Variants in FLNB observed in about 807,000 individuals in gnomAD.
The protein encoded by FLNB is filamin-B.
In FLNB, 111 loss-of-function variants were observed where a neutral mutation model predicts 250.6. The ratio of observed to expected loss-of-function variants is 0.44; its 90% CI spans 0.38 to 0.52. The LOEUF (loss-of-function observed/expected upper bound fraction) is 0.52, where lower values mean the gene tolerates loss of function less well. Among genes scored for constraint, FLNB ranks in the 20% least tolerant of loss-of-function variants. The pLI, the probability that FLNB is intolerant of heterozygous loss-of-function variation, is 0.00. For missense variants in FLNB, 2,869 were observed against 3,447.8 expected (o/e 0.83, Z 4.20); for synonymous variants, 1,302 against 1,372.1 (o/e 0.95, Z 1.13).
intron 1 of FLNB, among the ~76,000 whole-genome samples, chr3:58,036,868 T>A (rs1311708394): frequency 2.6e-5 from 4 of 152,148 alleles, no homozygotes; most frequent in Non-Finnish European, 5.9e-5. Flanking sequence ...GTCGGTTAGG[T>A]CTGACCTCTT....
At chr3:58,080,997 T>C (rs1331121939) in intron 3 of FLNB, among the ~76,000 whole-genome samples, 1 of 152,102 alleles carries the variant, frequency 6.6e-6, no homozygotes, top group African/African-American at 2.4e-5. Context: ...TTTTACCATG[T>C]TGGCCAGGCT....
intron 24 of FLNB, among the ~76,000 whole-genome samples, chr3:58,130,115 A>C (rs1193411104): frequency 6.6e-6 from 1 of 152,042 alleles, no homozygotes; most frequent in Non-Finnish European, 1.5e-5. Context: ...TGTGGTCAGA[A>C]GGTGCCAGCT....
chr3:58,103,921 G>C, intron 9 of FLNB, 38 bp from the exon 10 acceptor site: 2 of 1,613,430 alleles, frequency 1.2e-6, no homozygotes, highest in South Asian at 2.2e-5. Context: ...TTTGGGCCTA[G>C]GATTGTGTTG....
chr3:58,013,473 T>C (rs986674491), intron 1 of FLNB, among the ~76,000 whole-genome samples: 4 of 152,208 alleles, frequency 2.6e-5, no homozygotes, highest in Admixed American at 2.6e-4. Flanking sequence ...TTCTGCTCTT[T>C]CTTGCATGTC....
intron 1 of FLNB, among the ~76,000 whole-genome samples, chr3:58,067,726 A>G (rs1455095825): frequency 6.6e-6 from 1 of 151,462 alleles, no homozygotes; most frequent in Non-Finnish European, 1.5e-5. Flanking sequence ...CCTCCTGAGT[A>G]GCTGGGGTTA....
rs1440812881 is a variant in FLNB, at chr3:58,152,663, A to G, written c.6368-712A>G. 6 of 928,290 alleles carry G rather than the reference A, an allele frequency of 6.5e-6. No homozygotes were observed. In the African/African-American group the frequency reaches 8.5e-5, roughly 13 times the overall value. 57.5% of individuals were successfully genotyped at this position (928,290 alleles called of 1,614,324 possible). On this transcript the variant is annotated intron_variant, in intron 38 of 45. Transcript: ENST00000295956. ...GGGACACAAACATTCAGTTCATTAC[A>G]TGGGTGACCCTCTTTTCAACCTCCC...
intron 11 of FLNB, among the ~76,000 whole-genome samples, chr3:58,105,887 A>C (rs1003984255): frequency 2.0e-5 from 3 of 152,252 alleles, no homozygotes; most frequent in African/African-American, 7.2e-5. Flanking sequence ...GAAAAATAAG[A>C]AATCACATTT....
In FLNB at chr3:58,142,502, T is replaced by G. The variant is rs1485286411; in HGVS notation, c.5182-148T>G. The stretch of plus-strand genomic sequence containing the variant: ...GTTCTACCCTGGGTCTGGAGCCACT[T>G]AGACAAAGCCCATACCACAATGGGC... On this transcript the variant is annotated intron_variant, in intron 30 of 45. Transcript: ENST00000295956. The surrounding 1 kb of genome is among the most constrained non-coding windows in gnomAD (Gnocchi z 4.3). 5.6e-6 allele frequency: 4 copies of G among 712,400 alleles called. No homozygotes were observed. In the East Asian group the frequency reaches 1.1e-4, roughly 19 times the overall value. The allele number at this position is 712,400 out of a possible 1,614,324, so 44.1% of individuals were successfully genotyped here.
rs762780598 is a variant in FLNB at position 58,148,816 on chromosome 3, G to A, written c.6055G>A (p.Glu2019Lys). The A allele has an allele frequency of 6.2e-6, 10 of 1,613,756 alleles. No homozygotes were observed. The highest frequency in any genetic ancestry group is 1.7e-5 in the Admixed American group (1 of 60,020). Residue 2019 changes from glutamate (E) to lysine (K), a missense_variant, in exon 36 of 46, where the codon GAG becomes AAG. Glu to Lys is a moderately conservative substitution (Grantham distance 56, BLOSUM62 1). This residue lies in a region of FLNB where 1,084 missense variants were observed against 1,315.5 expected (regional missense o/e 0.82). Coordinates refer to ENST00000295956, the MANE Select transcript of FLNB (RefSeq NM_001457.4). ...CGGCCTGTCAGAAGGCCGGACTTTC[G>A]AGATGTCTGACTTCATCGTGGACAC... ...GRGLSEGRTF[E>K]MSDFIVDTRD...
At position 58,142,073 on chromosome 3, in the gene FLNB, T is replaced by C; in HGVS notation, c.5181+144T>C. The C allele has an allele frequency of 1.3e-6, 1 of 741,960 alleles. No homozygotes were observed. Among genetic ancestry groups the C allele is most frequent in the Non-Finnish European group, 2.4e-6 (1 of 408,272 alleles). The allele number at this position is 741,960 out of a possible 1,614,324, so 46.0% of individuals were successfully genotyped here. A position where few individuals can be genotyped will look rare whatever the true frequency, so the allele number is the denominator to read the frequency against. Reference sequence around the variant, plus strand: ...CCCCTCACTGATCAGCCCATCACGATGATCCCTGCTTTTTCTGTAATAAGA... The same window carrying C: ...CCCCTCACTGATCAGCCCATCACGACGATCCCTGCTTTTTCTGTAATAAGA... On this transcript the variant is annotated intron_variant, in intron 30 of 45. Transcript: ENST00000295956. This position sits in a 1 kb window ranked among gnomAD's most constrained non-coding sequence, Gnocchi z 4.3.
chr3:58,102,364 T>A, intron 9 of FLNB, 24 bp downstream of exon 9: 2 of 1,613,838 alleles, frequency 1.2e-6, no homozygotes, highest in South Asian at 2.2e-5. Context: ...TGTTTCTCTA[T>A]CTCAGGTGTG....
At chr3:58,106,408 G>C (rs1282248474) in intron 11 of FLNB, among the ~76,000 whole-genome samples, 1 of 141,504 alleles carries the variant, frequency 7.1e-6, no homozygotes, top group Non-Finnish European at 1.5e-5. Context: ...CACCTGCCTC[G>C]GCCCTCCCAA....
In FLNB at chr3:58,124,378, G is replaced by A. The variant is rs146851485; in HGVS notation, c.3771G>A (p.Pro1257=). The change falls in exon 22 of 46, where the codon CCG becomes CCA. Residue 1257 remains proline (P), a synonymous_variant. Transcript: ENST00000295956. ...ATTDFTVDSR[P]LTQVGGDHIK... ...CCGACTTTACAGTTGACTCTCGGCC[G>A]CTGACCCAGGTTGGGGGTGACCACA... The A allele has an allele frequency of 0.011, 18,334 of 1,614,184 alleles. 135 individuals carry two copies. Among genetic ancestry groups the A allele is most frequent in the Non-Finnish European group, 0.014 (17,054 of 1,180,030 alleles).
chr3:58,085,946 G>T (rs968272323), intron 4 of FLNB, among the ~76,000 whole-genome samples: 1 of 152,132 alleles, frequency 6.6e-6, no homozygotes, highest in East Asian at 1.9e-4. Context: ...GGAGTCACAC[G>T]AAGTGGAACT....
intron 1 of FLNB, among the ~76,000 whole-genome samples, chr3:58,012,209 C>CAAA (rs10608167): frequency 1.9e-5 from 2 of 105,996 alleles, no homozygotes; most frequent in Non-Finnish European, 3.8e-5. Context: ...GACTCTGACT[C>CAAA]AAAAAAAAAA....
chr3:58,141,907 G>A lies in FLNB; in HGVS notation c.5159G>A (p.Cys1720Tyr). The A allele has an allele frequency of 3.7e-6, 6 of 1,614,160 alleles. No homozygotes were observed. Among genetic ancestry groups the A allele is most frequent in the Non-Finnish European group, 5.1e-6 (6 of 1,180,012 alleles). Residue 1720 changes from cysteine to tyrosine, a missense_variant, in exon 30 of 46, where the codon TGT becomes TAT. Cys to Tyr is a radical substitution (Grantham distance 194). Around this residue, in one of 5 missense-constraint regions of FLNB, gnomAD observed 1,084 missense variants for 1,315.5 expected, o/e 0.82. Coordinates refer to ENST00000295956, the MANE Select transcript of FLNB (RefSeq NM_001457.4). ...GTGGAGGAGGCACCGGTAAATGCAT[G>A]TCCCCCTGGATTCAGGCCCTGGGTA... ...TAVEEAPVNA[C>Y]PPGFRPWVTE...
intron 1 of FLNB, among the ~76,000 whole-genome samples, chr3:58,021,283 A>G (rs1397933552): frequency 2.0e-5 from 3 of 152,198 alleles, no homozygotes; most frequent in Non-Finnish European, 4.4e-5. Context: ...CTGAGGTGCA[A>G]GGTCTTTGAG....
At chr3:58,096,915 G>A (rs2097239761) in intron 6 of FLNB, among the ~76,000 whole-genome samples, 1 of 152,204 alleles carries the variant, frequency 6.6e-6, no homozygotes. Context: ...ATATAGTAGA[G>A]GGAAATGGCC....
chr3:58,105,058 T>G (rs779959358), intron 10 of FLNB, 22 bp from the exon 11 acceptor site: 2 of 1,614,214 alleles, frequency 1.2e-6, no homozygotes, highest in East Asian at 2.2e-5. Context: ...CTTTGATGCT[T>G]CTTCTATTCC....
Sources: allele counts gnomAD v4.1 joint callset (sites outside exome capture counted in the v4.1 genomes callset), GRCh38; gene constraint gnomAD v4.1.1; regional missense constraint gnomAD v4.1.1; non-coding constraint Gnocchi (gnomAD v3.1); transcripts MANE v1.5; gene names NCBI Gene and HGNC (gene_info 2026-07-23, HGNC 2026-07-21).